Variants in XYLT1 observed in about 807,000 individuals in gnomAD.
XYLT1 encodes xylosyltransferase 1.
A neutral mutation model predicts 91.3 loss-of-function variants in XYLT1; 36 were observed. The ratio of observed to expected loss-of-function variants is 0.39; its 90% confidence interval spans 0.30 to 0.52. XYLT1 has a LOEUF of 0.52. Ranked by LOEUF, XYLT1 falls within the 20% of genes least tolerant of loss-of-function variation. XYLT1 has a pLI of 0.68. For synonymous variants in XYLT1, 588 were observed against 532.0 expected (o/e 1.11, Z -1.45); for missense variants, 1,242 against 1,284.5 (o/e 0.97, Z 0.51).
At chr16:17,407,174 T>C (rs996128594) in intron 1 of XYLT1, among the ~76,000 whole-genome samples, 1 of 152,116 alleles carries the variant, frequency 6.6e-6, no homozygotes, top group African/African-American at 2.4e-5. Context: ...CTAGTTTTTA[T>C]ATTTTTAGGA....
chr16:17,387,971 C>G (rs755725436), intron 1 of XYLT1, among the ~76,000 whole-genome samples: 59 of 152,200 alleles, frequency 3.9e-4, no homozygotes, highest in African/African-American at 1.4e-3. Context: ...GTATCTTAGA[C>G]TGATGCTCGT....
At chr16:17,138,187 G>C in intron 8 of XYLT1, 168 bp downstream of exon 8, 2 of 709,110 alleles carry the variant, frequency 2.8e-6, no homozygotes, top group Non-Finnish European at 4.5e-6. Context: ...TGAAGTAAGT[G>C]CTCAATAAAC....
In XYLT1 at chr16:17,108,639, C is replaced by A. The variant is rs1966810923; in HGVS notation, c.*56G>T. On this transcript the variant is annotated 3_prime_UTR_variant, in exon 12 of 12. Coordinates refer to ENST00000261381, the MANE Select transcript of XYLT1 (RefSeq NM_022166.4). ...GAGGCCGGGGTTCAGGCCCCACAAC[C>A]CCTCTGGCTGCTTTCCCGTTGAGAT... The A allele has an allele frequency of 1.3e-6, 2 of 1,491,576 alleles. No homozygotes were observed. The highest frequency in any genetic ancestry group is 4.0e-5 in the Admixed American group (2 of 49,912). The allele number at this position is 1,491,576 out of a possible 1,614,324, so 92.4% of individuals were successfully genotyped here.
intron 1 of XYLT1, among the ~76,000 whole-genome samples, chr16:17,432,981 G>A (rs2036410426): frequency 6.6e-6 from 1 of 152,098 alleles, no homozygotes; most frequent in Non-Finnish European, 1.5e-5. Flanking sequence ...CAGTGCCCTC[G>A]AAGATGCCTC....
At chr16:17,121,452 T>G (rs1024804210) in intron 10 of XYLT1, among the ~76,000 whole-genome samples, 2 of 152,216 alleles carry the variant, frequency 1.3e-5, no homozygotes, top group South Asian at 4.1e-4. Context: ...CACCATCCAC[T>G]GCAGAATGGT....
At chr16:17,466,721 A>C (rs1193969649) in intron 1 of XYLT1, among the ~76,000 whole-genome samples, 1 of 152,248 alleles carries the variant, frequency 6.6e-6, no homozygotes, top group African/African-American at 2.4e-5. Context: ...TATTACAAAC[A>C]TATCTATACC....
chr16:17,417,933 A>G (rs2036200877), intron 1 of XYLT1, among the ~76,000 whole-genome samples: 2 of 152,220 alleles, frequency 1.3e-5, no homozygotes, highest in African/African-American at 4.8e-5. Context: ...TGTCTGATGC[A>G]GCCAACAGCT....
chr16:17,110,731 G>C (rs1966839232), intron 11 of XYLT1, among the ~76,000 whole-genome samples: 1 of 152,196 alleles, frequency 6.6e-6, no homozygotes, highest in Admixed American at 6.5e-5. Flanking sequence ...TGGGGAAAGA[G>C]AGGCAGCTGG....
In XYLT1 at chr16:17,289,778, C is replaced by T. The variant is rs189933278; in HGVS notation, c.403-30280G>A. 4.7e-4 allele frequency among the ~76,000 whole-genome samples: 71 copies of T among 152,236 alleles called. 1 individual carries two copies. Among genetic ancestry groups the T allele is most frequent in the Admixed American group, 2.0e-3 (31 of 15,286 alleles). On this transcript the variant is annotated intron_variant, in intron 2 of 11. Transcript: ENST00000261381. ...AAAACCAAAATGAAAACAAAACAAA[C>T]GCAAACATGCAAACAAAACAAAACC...
At chr16:17,249,370 G>A (rs1042334443) in intron 3 of XYLT1, among the ~76,000 whole-genome samples, 2 of 152,152 alleles carry the variant, frequency 1.3e-5, no homozygotes, top group African/African-American at 2.4e-5. Flanking sequence ...AAGCAACCAC[G>A]TTATCTTCTT....
At chr16:17,425,465 A>G (rs2036305628) in intron 1 of XYLT1, among the ~76,000 whole-genome samples, 1 of 152,196 alleles carries the variant, frequency 6.6e-6, no homozygotes, top group Non-Finnish European at 1.5e-5. Flanking sequence ...TCAACCAAGA[A>G]GGTGTATTAG....
At chr16:17,356,141 T>G (rs1399417109) in intron 2 of XYLT1, among the ~76,000 whole-genome samples, 1 of 151,986 alleles carries the variant, frequency 6.6e-6, no homozygotes, top group Non-Finnish European at 1.5e-5. Context: ...CCACCAAATG[T>G]CTTCAGACGT....
At chr16:17,188,829 A>AT (rs1422885291) in intron 5 of XYLT1, among the ~76,000 whole-genome samples, 6 of 152,140 alleles carry the variant, frequency 3.9e-5, no homozygotes, top group African/African-American at 1.4e-4. Flanking sequence ...TATTATGCCC[A>AT]TTTTACAGAT....
At chr16:17,293,061 G>A (rs2034254870) in intron 2 of XYLT1, among the ~76,000 whole-genome samples, 1 of 152,186 alleles carries the variant, frequency 6.6e-6, no homozygotes, top group South Asian at 2.1e-4. Context: ...GCAGCTACAA[G>A]CAAAGAGAGT....
intron 10 of XYLT1, among the ~76,000 whole-genome samples, chr16:17,118,576 TGA>T (rs1235779908): frequency 6.6e-6 from 1 of 152,156 alleles, no homozygotes; most frequent in Non-Finnish European, 1.5e-5. Flanking sequence ...ACTGTAAGCA[TGA>T]GAGTCATCCT....
At chr16:17,354,288 AAGCAG>A (rs1176082991) in intron 2 of XYLT1, among the ~76,000 whole-genome samples, 1 of 152,162 alleles carries the variant, frequency 6.6e-6, no homozygotes, top group Non-Finnish European at 1.5e-5. Flanking sequence ...TCTGGCCGTT[AAGCAG>A]AGAGTCCTGC....
chr16:17,408,975 G>A (rs1239035418), intron 1 of XYLT1, among the ~76,000 whole-genome samples: 1 of 152,190 alleles, frequency 6.6e-6, no homozygotes, highest in Non-Finnish European at 1.5e-5. Flanking sequence ...AGACAGCGTT[G>A]AGAACCCAAA....
rs1014332204 is a variant in XYLT1 at position 17,107,044 on chromosome 16, G to T, written c.*1651C>A. ...AATAAAGGCAGCTTCAGTTAGTAAGGTAACATAATTGACAAGCTGCAAAAA... is the reference window on the plus strand; with the variant it reads ...AATAAAGGCAGCTTCAGTTAGTAAGTTAACATAATTGACAAGCTGCAAAAA... On this transcript the variant is annotated 3_prime_UTR_variant, in exon 12 of 12. Transcript: ENST00000261381. 1.3e-5 allele frequency: 2 copies of T among 152,146 alleles called. No homozygotes were observed. Among genetic ancestry groups the T allele is most frequent in the Non-Finnish European group, 2.9e-5 (2 of 68,028 alleles). 9.4% of individuals were successfully genotyped at this position (152,146 alleles called of 1,614,324 possible). A position where few individuals can be genotyped will look rare whatever the true frequency, so the allele number is the denominator to read the frequency against.
rs775199998 is a variant in XYLT1 at position 17,141,290 on chromosome 16, G to A, written c.1450C>T (p.Pro484Ser). 2.5e-6 allele frequency: 4 copies of A among 1,614,026 alleles called. No individual in the cohort carries two copies. The highest frequency in any genetic ancestry group is 3.4e-6 in the Non-Finnish European group (4 of 1,180,036). ...CCGCCATCCACGGCAATGCCCTCTG[G>A]GATCCGCCGATCTCCCAGGCGCCAC... ...HMWRLGDRRI[P>S]EGIAVDGGSD... The change falls in exon 7 of 12, where the codon CCA (proline) becomes TCA (serine). Residue 484 changes from proline (P) to serine (S), a missense_variant. Physicochemically the swap from Pro to Ser is moderately conservative, Grantham distance 74. Around this residue, in one of 3 missense-constraint regions of XYLT1, gnomAD observed 294 missense variants for 376.0 expected, o/e 0.78. Coordinates refer to ENST00000261381, the MANE Select transcript of XYLT1 (RefSeq NM_022166.4).
Sources: gnomAD v4.1 joint callset for allele counts (sites outside exome capture counted in the v4.1 genomes callset) on GRCh38, gnomAD v4.1.1 for gene constraint, gnomAD v4.1.1 regional missense constraint, MANE v1.5 for transcripts, NCBI Gene and HGNC (gene_info 2026-07-23, HGNC 2026-07-21) for gene names.